The following CDKL5 variants were observed in gnomAD, a reference collection of about 807,000 sequenced individuals.
The protein encoded by CDKL5 is cyclin dependent kinase like 5.
A neutral mutation model predicts 61.7 loss-of-function variants in CDKL5; 8 were observed. That is an observed-to-expected ratio of 0.13 (90% CI 0.08 to 0.23). The LOEUF (loss-of-function observed/expected upper bound fraction) is 0.23, where lower values mean the gene tolerates loss of function less well. CDKL5 is among the 10% of genes least tolerant of loss of function. CDKL5 has a pLI of 1.00. For missense variants in CDKL5, 440 were observed against 734.5 expected (o/e 0.60, Z 4.63); for synonymous variants, 275 against 272.3 (o/e 1.01, Z -0.10).
intron 16 of CDKL5, chrX:18,623,894 G>T: frequency 4.1e-6 from 3 of 740,698 alleles, no homozygotes; most frequent in Non-Finnish European, 4.8e-6. Flanking sequence ...TTCCACCAAC[G>T]GGGAGAATCC....
At position 18,603,511 on chromosome X, in the gene CDKL5, T is replaced by C. The variant is rs776597237; in HGVS notation, c.978-391T>C. On this transcript the variant is annotated intron_variant, in intron 11 of 17. Transcript: ENST00000623535. ...ACCTTTAAGTCTAAATGTTGTCTTC[T>C]GACATTCAAGCAGACAAAAGAGTTA... is the stretch of plus-strand genomic sequence containing the variant. 3.3e-3 allele frequency among the ~76,000 whole-genome samples: 374 copies of C among 112,500 alleles called. 1 individual carries two copies. The highest frequency in any genetic ancestry group is 5.9e-3 in the Non-Finnish European group (317 of 53,303).
chrX:18,449,136 T>G (rs1569184845), intron 1 of CDKL5, among the ~76,000 whole-genome samples: 2 of 112,636 alleles, frequency 1.8e-5, no homozygotes, highest in Non-Finnish European at 3.7e-5. Context: ...ATTACAGGCG[T>G]GAGCCACTGC....
chrX:18,645,869 C>T, intron 19 of CDKL5: 1 of 907,885 alleles, frequency 1.1e-6, no homozygotes, highest in Non-Finnish European at 1.6e-6. Flanking sequence ...TTCCTAGTCT[C>T]CCTTGCAACT....
intron 3 of CDKL5, among the ~76,000 whole-genome samples, chrX:18,530,137 G>A (rs1195122814): frequency 9.3e-6 from 1 of 107,556 alleles, no homozygotes; most frequent in African/African-American, 3.4e-5. Context: ...GACCATCCTG[G>A]CGAACGTGGT....
intron 1 of CDKL5, among the ~76,000 whole-genome samples, chrX:18,489,713 A>T (rs960435227): frequency 1.8e-5 from 2 of 110,522 alleles, no homozygotes; most frequent in Non-Finnish European, 3.8e-5. Context: ...TACATCTTAC[A>T]TGTATTGATT....
chrX:18,449,230 A>G (rs1456291973), intron 1 of CDKL5, among the ~76,000 whole-genome samples: 2 of 111,947 alleles, frequency 1.8e-5, no homozygotes, highest in East Asian at 2.8e-4. Context: ...TCACTGATCT[A>G]TGTGCTGAGA....
Position 18,539,453 on chromosome X carries a change from C to A in CDKL5, c.100-25024C>A, listed in dbSNP as rs187046352. Among the ~76,000 whole-genome samples, 480 of 112,172 alleles carry A rather than the reference C, an allele frequency of 4.3e-3. 2 individuals carry two copies. In the Middle Eastern group the frequency reaches 0.046, roughly 11 times the overall value. ...GAAATTAGAATTTCCTTTGAGACTACTTCTTTGACCCATGGATTATTTAGA... is the reference window on the plus strand; with the variant it reads ...GAAATTAGAATTTCCTTTGAGACTAATTCTTTGACCCATGGATTATTTAGA... On this transcript the variant is annotated intron_variant, in intron 3 of 17. Transcript: ENST00000623535.
intron 3 of CDKL5, among the ~76,000 whole-genome samples, chrX:18,539,463 C>T (rs1422571315): frequency 9.0e-6 from 1 of 111,596 alleles, no homozygotes; most frequent in Non-Finnish European, 1.9e-5. Context: ...CTTCTTTGAC[C>T]CATGGATTAT....
chrX:18,485,433 A>G (rs573459137), intron 1 of CDKL5, among the ~76,000 whole-genome samples: 99 of 111,857 alleles, frequency 8.9e-4, no homozygotes, highest in African/African-American at 3.1e-3. Flanking sequence ...CCTTCTCTTG[A>G]TTTCTTGTTG....
intron 3 of CDKL5, among the ~76,000 whole-genome samples, chrX:18,537,618 G>A (rs1431753762): frequency 8.9e-6 from 1 of 111,741 alleles, no homozygotes; most frequent in African/African-American, 3.3e-5. Flanking sequence ...TTTTATCACA[G>A]GGATCCCTTG....
At chrX:18,621,541 G>GT (rs1306001703) in intron 16 of CDKL5, among the ~76,000 whole-genome samples, 61 of 109,939 alleles carry the variant, frequency 5.5e-4, no homozygotes, top group African/African-American at 1.8e-3. Context: ...AGAAGGTGGG[G>GT]TTTTTTTTTG....
At chrX:18,468,912 T>G (rs981552008) in intron 1 of CDKL5, among the ~76,000 whole-genome samples, 2 of 111,757 alleles carry the variant, frequency 1.8e-5, no homozygotes, top group Admixed American at 1.9e-4. Flanking sequence ...AGGCTAACTA[T>G]AGAATACCTA....
Position 18,511,520 on chromosome X carries a change from A to G in CDKL5, c.99+666A>G, listed in dbSNP as rs181182506. On this transcript the variant is annotated intron_variant, in intron 3 of 17. Coordinates refer to ENST00000623535, the MANE Select transcript of CDKL5 (RefSeq NM_001323289.2). The stretch of plus-strand genomic sequence containing the variant: ...GTTTAGATAAAAAACATTTTCAGAT[A>G]CACAAATACTTATCATTGACTATGG... Among the ~76,000 whole-genome samples the G allele has an allele frequency of 1.2e-4, 13 of 111,711 alleles. No homozygotes were observed. The East Asian group carries it at 3.1e-3, about 26-fold the overall frequency.
intron 3 of CDKL5, among the ~76,000 whole-genome samples, chrX:18,549,387 G>T (rs1924308205): frequency 8.9e-6 from 1 of 112,302 alleles, no homozygotes; most frequent in African/African-American, 3.2e-5. Flanking sequence ...CAGAGCAATA[G>T]ATTTTTCTCT....
chrX:18,520,691 A>T (rs1321789599), intron 3 of CDKL5, among the ~76,000 whole-genome samples: 2 of 111,713 alleles, frequency 1.8e-5, no homozygotes, highest in East Asian at 5.6e-4. Context: ...CATTCCCACC[A>T]GCAATGTATG....
rs1927247435 is a variant in CDKL5 at position 18,631,907 on chromosome X, T to G, written c.*3150T>G. 1 of 738,487 alleles carries G rather than the reference T, an allele frequency of 1.4e-6. No individual in the cohort carries two copies. The highest frequency in any genetic ancestry group is 1.5e-4 in the East Asian group (1 of 6,613). 60.9% of individuals were successfully genotyped at this position (738,487 alleles called of 1,213,427 possible). ...CTGTGGTTCTCAACTAGGGGCAGAT[T>G]TACCCCCAAGGGTACATTTGGCAAT... On this transcript the variant is annotated 3_prime_UTR_variant, in exon 18 of 18. Coordinates refer to ENST00000623535, the MANE Select transcript of CDKL5 (RefSeq NM_001323289.2).
Position 18,639,803 on chromosome X carries a change from A to G in CDKL5, c.*11046A>G, listed in dbSNP as rs922081979. ...TGTGCTCTTGACATGATACTGAACA[A>G]TGATGTTCAGCAATAAAAAGGAGTG... On this transcript the variant is annotated 3_prime_UTR_variant, in exon 18 of 18. Coordinates refer to ENST00000623535, the MANE Select transcript of CDKL5 (RefSeq NM_001323289.2). 2 of 112,608 alleles carry G rather than the reference A, an allele frequency of 1.8e-5. No individual in the cohort carries two copies. The highest frequency in any genetic ancestry group is 6.5e-5 in the African/African-American group (2 of 30,995). 9.3% of individuals were successfully genotyped at this position (112,608 alleles called of 1,213,427 possible). A position where few individuals can be genotyped will look rare whatever the true frequency, so the allele number is the denominator to read the frequency against.
At chrX:18,460,567 C>G (rs1319443595) in intron 1 of CDKL5, among the ~76,000 whole-genome samples, 1 of 111,118 alleles carries the variant, frequency 9.0e-6, no homozygotes, top group Non-Finnish European at 1.9e-5. Flanking sequence ...GGTGTGATCT[C>G]AGCTCACTGC....
At chrX:18,489,999 A>G (rs1921935437) in intron 1 of CDKL5, among the ~76,000 whole-genome samples, 1 of 111,582 alleles carries the variant, frequency 9.0e-6, no homozygotes, top group African/African-American at 3.3e-5. Context: ...CGTGGTCTTC[A>G]TATTTCGCTC....
Sources: allele counts gnomAD v4.1 joint callset (sites outside exome capture counted in the v4.1 genomes callset), GRCh38; gene constraint gnomAD v4.1.1; transcripts MANE v1.5; gene names NCBI Gene and HGNC (gene_info 2026-07-23, HGNC 2026-07-21).